The following TKTL1 variants were observed in gnomAD, a reference collection of about 807,000 sequenced individuals.
TKTL1 encodes transketolase like 1.
TKTL1 carries 1 observed loss-of-function variant against 39.3 expected under a neutral mutation model. The observed-to-expected ratio is 0.03, with a 90% CI of 0.01 to 0.12. The LOEUF is 0.12. Among genes scored for constraint, TKTL1 ranks in the 10% least tolerant of loss-of-function variants. The pLI is 1.00. For missense variants in TKTL1, 575 were observed against 509.6 expected (o/e 1.13, Z -1.24); for synonymous variants, 262 against 193.8 (o/e 1.35, Z -2.92).
intron 6 of TKTL1, 113 bp downstream of exon 6, chrX:154,312,886 C>T (rs1001251830): frequency 5.7e-6 from 4 of 697,292 alleles, no homozygotes; most frequent in Non-Finnish European, 8.3e-6. Flanking sequence ...ATGGACGAAC[C>T]AATTACTAGA....
intron 1 of TKTL1, among the ~76,000 whole-genome samples, chrX:154,297,709 C>T (rs1238401782): frequency 3.6e-5 from 4 of 110,740 alleles, no homozygotes; most frequent in Non-Finnish European, 5.7e-5. Context: ...GAGGCCAAAG[C>T]AGGCGGATCG....
At chrX:154,309,298 C>A in intron 2 of TKTL1, 47 bp from the exon 3 acceptor site, 1 of 1,075,563 alleles carries the variant, frequency 9.3e-7, no homozygotes, top group Non-Finnish European at 1.3e-6. Flanking sequence ...CACCTGATAC[C>A]ATGTCCTGCA....
At chrX:154,301,971 T>A (rs189967052) in intron 1 of TKTL1, among the ~76,000 whole-genome samples, 3 of 109,710 alleles carry the variant, frequency 2.7e-5, no homozygotes, top group East Asian at 5.7e-4. Context: ...AACTTAAAAA[T>A]CATTCAGCGT....
rs2067350351 is a variant in TKTL1 at position 154,310,758 on chromosome X, TCTC to T, written c.351-72_351-70del. 5.5e-6 allele frequency: 5 copies of T among 917,221 alleles called. No homozygotes were observed. In the East Asian group the frequency reaches 1.2e-4, roughly 23 times the overall value. The allele number at this position is 917,221 out of a possible 1,213,427, so 75.6% of individuals were successfully genotyped here. A position where few individuals can be genotyped will look rare whatever the true frequency, so the allele number is the denominator to read the frequency against. ...AGCAGCAGCTCCAGTTGCGTCCGTT[TCTC>T]CTCCTGAAATGCATTTGTTTGGTTG... On this transcript the variant is annotated intron_variant, in intron 3 of 12. Transcript: ENST00000369915.
intron 12 of TKTL1, among the ~76,000 whole-genome samples, chrX:154,328,325 C>A (rs960578302): frequency 1.8e-5 from 2 of 109,123 alleles, no homozygotes; most frequent in Non-Finnish European, 3.8e-5. Flanking sequence ...AGGTAGAGAT[C>A]ACTTGAGGCC....
At chrX:154,305,135 C>G (rs781931520) in intron 1 of TKTL1, 169 bp from the exon 2 acceptor site, 2 of 1,167,279 alleles carry the variant, frequency 1.7e-6, no homozygotes, top group African/African-American at 3.5e-5. Flanking sequence ...GTGAGCTTAC[C>G]GGGCTTTAAA....
rs782053564 is a variant in TKTL1 at position 154,312,833 on chromosome X, G to A, written c.864+60G>A. On this transcript the variant is annotated intron_variant, in intron 6 of 12. Coordinates refer to ENST00000369915, the MANE Select transcript of TKTL1 (RefSeq NM_012253.4). ...TACGTCAACTGCTTTGTTCTCTAAT[G>A]TTGTTCGTATGTACACAGGATTCTT... 8.2e-5 allele frequency: 87 copies of A among 1,059,680 alleles called. No homozygotes were observed. In the South Asian group the frequency reaches 1.9e-3, roughly 24 times the overall value. The allele number at this position is 1,059,680 out of a possible 1,213,427, so 87.3% of individuals were successfully genotyped here.
intron 6 of TKTL1, among the ~76,000 whole-genome samples, 153 bp downstream of exon 6, chrX:154,312,926 TAA>T (rs2067370058): frequency 8.9e-6 from 1 of 112,211 alleles, no homozygotes; most frequent in South Asian, 3.7e-4. Context: ...TCGTAGGCAA[TAA>T]AGAGAGGTTT....
intron 5 of TKTL1, among the ~76,000 whole-genome samples, chrX:154,311,854 A>G (rs1278086140): frequency 9.0e-6 from 1 of 111,326 alleles, no homozygotes; most frequent in African/African-American, 3.3e-5. Flanking sequence ...TGCTCCTGGC[A>G]GGACCCTGGG....
chrX:154,309,568 G>T, intron 3 of TKTL1, 126 bp downstream of exon 3: 1 of 573,156 alleles, frequency 1.7e-6, no homozygotes. Flanking sequence ...ATCACATCCC[G>T]TGGTGACCCC....
chrX:154,308,760 G>C (rs868967209), intron 2 of TKTL1, among the ~76,000 whole-genome samples: 13 of 109,797 alleles, frequency 1.2e-4, no homozygotes, highest in Admixed American at 7.8e-4. Context: ...CAGGATGTTG[G>C]GGGTGGGGTA....
intron 8 of TKTL1, among the ~76,000 whole-genome samples, chrX:154,322,445 T>C (rs2067459146): frequency 9.0e-6 from 1 of 110,723 alleles, no homozygotes. Context: ...GGCAGGAGAA[T>C]TGCTTGAACC....
chrX:154,320,790 C>T lies in TKTL1; in HGVS notation c.1063C>T (p.Arg355Trp), dbSNP rs2067442946. Reference sequence around the variant, plus strand: ...GGCTCTGGGCTGTGCCTCCCGTGGACGGACCATTGCTTTTGCTAGCACCTT... The same window carrying T: ...GGCTCTGGGCTGTGCCTCCCGTGGATGGACCATTGCTTTTGCTAGCACCTT... ...SVALGCASRG[R>W]TIAFASTFAA... The change falls in exon 8 of 13, where the codon CGG becomes TGG. Residue 355 changes from arginine to tryptophan, a missense_variant. Physicochemically the swap from Arg to Trp is moderately radical, Grantham distance 101 (BLOSUM62 -3). Transcript: ENST00000369915. The T allele has an allele frequency of 1.7e-6, 2 of 1,211,153 alleles. No homozygotes were observed. The highest frequency in any genetic ancestry group is 1.1e-6 in the Non-Finnish European group (1 of 895,018).
At chrX:154,326,026 T>C (rs1444652586) in intron 10 of TKTL1, among the ~76,000 whole-genome samples, 2 of 112,057 alleles carry the variant, frequency 1.8e-5, no homozygotes, top group East Asian at 5.6e-4. Context: ...TCACTTGAAA[T>C]GAATAATCTG....
chrX:154,311,030 A>G lies in TKTL1; in HGVS notation c.542+3A>G, dbSNP rs1557168222. 5 of 1,211,714 alleles carry G rather than the reference A, an allele frequency of 4.1e-6. No individual in the cohort carries two copies. Among genetic ancestry groups the G allele is most frequent in the Non-Finnish European group, 5.6e-6 (5 of 895,325 alleles). ...CAGAGGCGCTGCGAAGCCTTTGGGT[A>G]ACTGTATTCTCTTGTGCTTGATTTC... On this transcript the variant is annotated splice_donor_region_variant and intron_variant, in intron 4 of 12. Transcript: ENST00000369915.
intron 7 of TKTL1, among the ~76,000 whole-genome samples, chrX:154,318,722 A>G (rs1425222745): frequency 6.5e-5 from 7 of 107,538 alleles, no homozygotes; most frequent in African/African-American, 2.0e-4. Context: ...AAAAAAAAAA[A>G]AAAAAAAGTT....
At position 154,295,927 on chromosome X, in the gene TKTL1, T is replaced by A. The variant is rs1557164264; in HGVS notation, c.68T>A (p.Val23Glu). ...EARPDRGTLQ[V>E]LQDMASRLRI... ...AGACCTGACAGGGGCACCTTGCAGG[T>A]GTTGCAAGATATGGCCAGCCGCTTG... Residue 23 changes from valine (V) to glutamate (E), a missense_variant, in exon 1 of 13, where the codon GTG becomes GAG. Transcript: ENST00000369915. 3 of 1,209,586 alleles carry A rather than the reference T, an allele frequency of 2.5e-6. No homozygotes were observed. Among genetic ancestry groups the A allele is most frequent in the Non-Finnish European group, 1.1e-6 (1 of 894,807 alleles).
chrX:154,309,490 C>T (rs1557167879), intron 3 of TKTL1, 48 bp downstream of exon 3: 1 of 1,069,022 alleles, frequency 9.4e-7, no homozygotes, highest in East Asian at 3.0e-5. Flanking sequence ...ATCTACATCC[C>T]CTTCCTAGAG....
chrX:154,297,828 G>A (rs112910891), intron 1 of TKTL1, among the ~76,000 whole-genome samples: 1 of 111,469 alleles, frequency 9.0e-6, no homozygotes, highest in Non-Finnish European at 1.9e-5. Flanking sequence ...TCCCAGCTAC[G>A]CGGGGGACAG....
Sources: gnomAD v4.1 joint callset for allele counts (sites outside exome capture counted in the v4.1 genomes callset) on GRCh38, gnomAD v4.1.1 for gene constraint, MANE v1.5 for transcripts, NCBI Gene and HGNC (gene_info 2026-07-23, HGNC 2026-07-21) for gene names.